CEP152: variants seen among roughly 807,000 people sequenced by gnomAD.
CEP152 encodes the protein centrosomal protein 152, also known as centrosomal protein of 152 kDa.
In CEP152, 132 loss-of-function variants were observed where a neutral mutation model predicts 188.9. The observed-to-expected ratio is 0.70, with a 90% CI of 0.61 to 0.81. CEP152 has a LOEUF of 0.81. CEP152 is among the 30% of genes least tolerant of loss of function. CEP152 has a pLI of 0.00. For synonymous variants in CEP152, 649 were observed against 666.6 expected, an observed-to-expected ratio of 0.97 and a Z score of 0.41; for missense variants, 1,914 against 1,969.8, an observed-to-expected ratio of 0.97 and a Z score of 0.54.
chr15:48,781,452 G>T, intron 11 of CEP152, 93 bp from the exon 12 acceptor site: 1 of 1,009,800 alleles, frequency 9.9e-7, no homozygotes, highest in Non-Finnish European at 1.5e-6. Context: ...ATGATCAACA[G>T]GAGGCAAAAA....
At chr15:48,735,155 T>A (rs1892553010), downstream of CEP152, among the ~76,000 whole-genome samples, 1 of 152,152 alleles carries the variant, frequency 6.6e-6, no homozygotes, top group Admixed American at 6.5e-5. Flanking sequence ...TGGAAATCAT[T>A]CAAAGTATAT....
intron 2 of CEP152, among the ~76,000 whole-genome samples, chr15:48,804,626 T>A (rs1897867376): frequency 6.6e-6 from 1 of 152,234 alleles, no homozygotes; most frequent in South Asian, 2.1e-4. Context: ...TACTGAACAT[T>A]TGCTATGTGC....
At chr15:48,732,713 G>T (rs1450562728) in intron 2 of CEP152, among the ~76,000 whole-genome samples, 2 of 150,426 alleles carry the variant, frequency 1.3e-5, no homozygotes, top group Non-Finnish European at 3.0e-5. Flanking sequence ...TGAATCTCTG[G>T]TTAAAAAAAA....
In CEP152 at chr15:48,767,081, CT is replaced by C. The variant is rs770971891; in HGVS notation, c.2258del (p.Lys753ArgfsTer29). ...GTACCTTCTCCTGAGTCTGTTGCTC[CT>C]TTTCAGTGGTCTTCCTGAGAGTCAA... ...LELTLRKTTEKEQQTQEKIKE... is the reference protein window; with the variant it reads ...LELTLRKTTEXEQQTQEKIKE... On this transcript the variant is annotated frameshift_variant, in exon 17 of 27. Transcript: ENST00000380950. LOFTEE classifies it high-confidence loss of function. 1.2e-6 allele frequency: 2 copies of C among 1,613,280 alleles called. No homozygotes were observed. The highest frequency in any genetic ancestry group is 2.2e-5 in the South Asian group (2 of 91,076).
At chr15:48,745,013 T>C (rs1158614797) in intron 22 of CEP152, 21 bp from the exon 23 acceptor site, 11 of 1,536,854 alleles carry the variant, frequency 7.2e-6, no homozygotes, top group African/African-American at 4.2e-5. Flanking sequence ...AAGTTTATAG[T>C]ATATTAGACA....
Position 48,788,981 on chromosome 15 carries a change from T to C in CEP152, c.993A>G (p.Thr331=). The change falls in exon 9 of 27, where the codon ACA becomes ACG. Residue 331 remains threonine (T), a synonymous_variant. Coordinates refer to ENST00000380950, the MANE Select transcript of CEP152 (RefSeq NM_001194998.2). ...TCAAGCTTTCCAGAGCCATTTCAGT[T>C]GTTCTGGACTTCTTGATCATCTAGT... ...NEEQMIKKSR[T]TEMALESLKQ... 1.2e-6 allele frequency: 2 copies of C among 1,614,160 alleles called. No homozygotes were observed. The highest frequency in any genetic ancestry group is 1.7e-6 in the Non-Finnish European group (2 of 1,179,978).
intron 2 of CEP152, among the ~76,000 whole-genome samples, chr15:48,732,336 T>C (rs963914634): frequency 1.3e-5 from 2 of 152,206 alleles, no homozygotes; most frequent in African/African-American, 2.4e-5. Context: ...ATACACACCA[T>C]GGAATACTAT....
In CEP152 at chr15:48,760,236, G is replaced by A. The variant is rs765317927; in HGVS notation, c.2593C>T (p.Arg865Ter). 5.0e-6 allele frequency: 8 copies of A among 1,614,018 alleles called. No individual in the cohort carries two copies. The highest frequency in any genetic ancestry group is 1.3e-5 in the African/African-American group (1 of 75,034). ...AGCTCTGGTAGTTCTCCCAGCCATCGCTGATGAGCATTTTGCACAGCTATT... is the reference window on the plus strand; with the variant it reads ...AGCTCTGGTAGTTCTCCCAGCCATCACTGATGAGCATTTTGCACAGCTATT... ...VEIAVQNAHQ[R>*]WLGELPELAE... Residue 865 changes from arginine to a stop codon, truncating the protein, a stop_gained, in exon 19 of 27, where the codon CGA (arginine) becomes TGA (stop). Coordinates refer to ENST00000380950, the MANE Select transcript of CEP152 (RefSeq NM_001194998.2). LOFTEE classifies it high-confidence loss of function.
intron 17 of CEP152, 139 bp downstream of exon 17, chr15:48,766,921 G>A (rs1329423990): frequency 9.3e-7 from 1 of 1,073,444 alleles, no homozygotes; most frequent in Non-Finnish European, 1.4e-6. Flanking sequence ...AGCTATATGA[G>A]TGTGATACAG....
intron 9 of CEP152, among the ~76,000 whole-genome samples, chr15:48,784,888 G>A (rs1180997950): frequency 6.6e-6 from 1 of 152,054 alleles, no homozygotes; most frequent in Admixed American, 6.6e-5. Context: ...AATATGTTTG[G>A]GTGTAATAAA....
intron 19 of CEP152, among the ~76,000 whole-genome samples, chr15:48,758,998 T>C (rs1170927649): frequency 1.3e-5 from 2 of 152,188 alleles, no homozygotes; most frequent in Non-Finnish European, 2.9e-5. Flanking sequence ...TTCTGAGCTC[T>C]GAGACACATA....
At chr15:48,765,362 T>A (rs183640928) in intron 17 of CEP152, among the ~76,000 whole-genome samples, 14 of 151,924 alleles carry the variant, frequency 9.2e-5, no homozygotes, top group South Asian at 4.2e-4. Flanking sequence ...ACAATTAAAA[T>A]TTTTTTTTAA....
intron 2 of CEP152, among the ~76,000 whole-genome samples, chr15:48,730,209 G>T (rs1257943652): frequency 6.6e-6 from 1 of 152,158 alleles, no homozygotes. Context: ...GAATGACAGT[G>T]AACATTAGCA....
In CEP152 at chr15:48,772,706, G is replaced by A. The variant is rs757482168; in HGVS notation, c.1578-15C>T. On this transcript the variant is annotated splice_polypyrimidine_tract_variant and intron_variant, in intron 12 of 26. Coordinates refer to ENST00000380950, the MANE Select transcript of CEP152 (RefSeq NM_001194998.2). ...CTTGTACAATGCTAATGGAGAAATT[G>A]TGATTTTTAACATTAAATCAAGTAA... is the stretch of plus-strand genomic sequence containing the variant. 4 of 1,605,752 alleles carry A rather than the reference G, an allele frequency of 2.5e-6. No homozygotes were observed. In the South Asian group the frequency reaches 3.3e-5, roughly 13 times the overall value.
Position 48,741,963 on chromosome 15 carries a change from C to G in CEP152, c.3973G>C (p.Asp1325His). Reference sequence around the variant, plus strand: ...TGAACTCACCCTTCTTTTCCATCATCCTGCAAAATCTGTTGGAGGCAAATC... The same window carrying G: ...TGAACTCACCCTTCTTTTCCATCATGCTGCAAAATCTGTTGGAGGCAAATC... ...YLICLQQILQ[D>H]DGKEGAEKKI... Residue 1325 changes from aspartate to histidine, a missense_variant, in exon 25 of 27, where the codon GAT becomes CAT. Transcript: ENST00000380950. 1 of 1,614,170 alleles carries G rather than the reference C, an allele frequency of 6.2e-7. No homozygotes were observed.
At chr15:48,787,230 C>T (rs1435866303) in intron 9 of CEP152, among the ~76,000 whole-genome samples, 2 of 130,476 alleles carry the variant, frequency 1.5e-5, no homozygotes, top group African/African-American at 5.9e-5. Context: ...TGCAGTGGTG[C>T]AATCATGGCT....
At chr15:48,772,364 T>C in intron 13 of CEP152, 123 bp downstream of exon 13, 1 of 805,912 alleles carries the variant, frequency 1.2e-6, no homozygotes, top group South Asian at 1.5e-5. Flanking sequence ...GGAGCCATGT[T>C]TCCACCACTG....
intron 2 of CEP152, among the ~76,000 whole-genome samples, chr15:48,804,513 C>T (rs1021104773): frequency 1.3e-5 from 2 of 152,182 alleles, no homozygotes. Context: ...AGCCTTTTAT[C>T]ACAGACAATC....
chr15:48,765,266 T>C (rs1163681937), intron 17 of CEP152, among the ~76,000 whole-genome samples: 1 of 152,216 alleles, frequency 6.6e-6, no homozygotes, highest in Non-Finnish European at 1.5e-5. Context: ...GATAAAACTG[T>C]TCTGTATCCT....
Sources: allele counts gnomAD v4.1 joint callset (sites outside exome capture counted in the v4.1 genomes callset), GRCh38; gene constraint gnomAD v4.1.1; transcripts MANE v1.5; gene names NCBI Gene and HGNC (gene_info 2026-07-23, HGNC 2026-07-21).